Variants in CAMK1D observed in about 807,000 individuals in gnomAD.
The protein encoded by CAMK1D is calcium/calmodulin dependent protein kinase ID, also known as calcium/calmodulin-dependent protein kinase type 1D.
In CAMK1D, 9 loss-of-function variants were observed where a neutral mutation model predicts 47.7. The observed-to-expected ratio is 0.19, with a 90% confidence interval of 0.11 to 0.33. CAMK1D has a LOEUF of 0.33. CAMK1D is among the 10% of genes least tolerant of loss of function. The pLI, the probability that CAMK1D is intolerant of heterozygous loss-of-function variation, is 1.00. For synonymous variants in CAMK1D, 184 were observed against 184.9 expected (o/e 0.99, Z 0.04); for missense variants, 291 against 488.7 (o/e 0.60, Z 3.81).
chr10:12,744,078 T>C (rs1003412214), intron 3 of CAMK1D, among the ~76,000 whole-genome samples: 2 of 151,952 alleles, frequency 1.3e-5, no homozygotes, highest in African/African-American at 4.8e-5. Context: ...TGAGATCATA[T>C]AATATGTGGC....
At chr10:12,368,198 CA>C (rs759817546) in intron 1 of CAMK1D, among the ~76,000 whole-genome samples, 11 of 89,914 alleles carry the variant, frequency 1.2e-4, no homozygotes, top group Admixed American at 2.7e-4. Context: ...GACTCCGTCT[CA>C]AAAAAAAAAA....
At chr10:12,564,762 A>G (rs1397483634) in intron 2 of CAMK1D, among the ~76,000 whole-genome samples, 3 of 152,262 alleles carry the variant, frequency 2.0e-5, no homozygotes, top group Non-Finnish European at 4.4e-5. Context: ...ATACAAACAC[A>G]TAAAAGGGTA....
chr10:12,725,525 G>A (rs1021465124), intron 3 of CAMK1D, among the ~76,000 whole-genome samples: 21 of 152,176 alleles, frequency 1.4e-4, no homozygotes, highest in African/African-American at 4.6e-4. Flanking sequence ...GATTTAGCCA[G>A]AAGAGTTAGT....
chr10:12,744,438 C>T (rs1324387164), intron 3 of CAMK1D, among the ~76,000 whole-genome samples: 8 of 151,394 alleles, frequency 5.3e-5, no homozygotes, highest in Non-Finnish European at 1.2e-4. Flanking sequence ...CTTTACATTT[C>T]CACCAGCAAT....
chr10:12,598,557 C>G (rs1052520175), intron 2 of CAMK1D, among the ~76,000 whole-genome samples: 3 of 152,200 alleles, frequency 2.0e-5, no homozygotes, highest in African/African-American at 7.2e-5. Context: ...CCTGCAGATT[C>G]AGGACACCCC....
Position 12,680,621 on chromosome 10 carries a change from C to T in CAMK1D, c.299+13811C>T, listed in dbSNP as rs533407745. Among the ~76,000 whole-genome samples, 12 of 152,218 alleles carry T rather than the reference C, an allele frequency of 7.9e-5. No individual in the cohort carries two copies. In the South Asian group the frequency reaches 2.1e-3, roughly 26 times the overall value. On this transcript the variant is annotated intron_variant, in intron 3 of 10. Coordinates refer to ENST00000619168, the MANE Select transcript of CAMK1D (RefSeq NM_153498.4). ...TAACGCATGTTGGTGATGATGCTGGCGTGGCAGCCCCAATGAATGTATGAA... is the reference window on the plus strand; with the variant it reads ...TAACGCATGTTGGTGATGATGCTGGTGTGGCAGCCCCAATGAATGTATGAA...
intron 5 of CAMK1D, 36 bp downstream of exon 5, chr10:12,769,835 G>A (rs1836958939): frequency 4.3e-6 from 7 of 1,611,144 alleles, no homozygotes; most frequent in Non-Finnish European, 5.9e-6. Flanking sequence ...GTGCCCGTGT[G>A]TGTGTGATGT....
chr10:12,422,279 TGAC>T (rs1462114748), intron 1 of CAMK1D, among the ~76,000 whole-genome samples: 5 of 152,202 alleles, frequency 3.3e-5, no homozygotes. Flanking sequence ...AGTCTGGTGG[TGAC>T]GACTATAGTC....
At chr10:12,479,383 A>AT (rs1311307200) in intron 1 of CAMK1D, among the ~76,000 whole-genome samples, 2 of 151,758 alleles carry the variant, frequency 1.3e-5, no homozygotes, top group African/African-American at 2.4e-5. Flanking sequence ...TTTAGTAGAG[A>AT]TGGGGTTTCA....
At chr10:12,352,174 C>T (rs2131828344) in intron 1 of CAMK1D, among the ~76,000 whole-genome samples, 2 of 152,300 alleles carry the variant, frequency 1.3e-5, no homozygotes, top group South Asian at 4.1e-4. Flanking sequence ...AGTGGCGGAG[C>T]TGGTATTCAC....
intron 5 of CAMK1D, among the ~76,000 whole-genome samples, chr10:12,790,613 G>GCACA (rs145460694): frequency 6.6e-6 from 1 of 151,362 alleles, no homozygotes; most frequent in Non-Finnish European, 1.5e-5. Context: ...ACACACACAC[G>GCACA]CACACACACA....
At chr10:12,765,626 A>G (rs1240643726) in intron 4 of CAMK1D, among the ~76,000 whole-genome samples, 3 of 152,214 alleles carry the variant, frequency 2.0e-5, no homozygotes, top group Non-Finnish European at 4.4e-5. Context: ...AAGTGGCCTC[A>G]TTGTCTGGGG....
chr10:12,442,681 A>G (rs1364802150), intron 1 of CAMK1D, among the ~76,000 whole-genome samples: 1 of 152,214 alleles, frequency 6.6e-6, no homozygotes, highest in African/African-American at 2.4e-5. Context: ...GTCCAAAGTC[A>G]TCCTGCTGAT....
intron 1 of CAMK1D, among the ~76,000 whole-genome samples, chr10:12,409,056 C>T (rs1839558338): frequency 6.6e-6 from 1 of 151,986 alleles, no homozygotes; most frequent in African/African-American, 2.4e-5. Context: ...GGAGTTTCGC[C>T]ATGTTGGCCA....
intron 2 of CAMK1D, among the ~76,000 whole-genome samples, chr10:12,632,537 G>C (rs1309321309): frequency 2.6e-5 from 4 of 152,142 alleles, no homozygotes; most frequent in Non-Finnish European, 4.4e-5. Flanking sequence ...TGATTTAGCT[G>C]TTTTCTCCTA....
intron 1 of CAMK1D, among the ~76,000 whole-genome samples, chr10:12,369,317 A>G (rs1246581960): frequency 6.6e-6 from 1 of 152,222 alleles, no homozygotes; most frequent in African/African-American, 2.4e-5. Context: ...CAACAAAACC[A>G]TCAGATAGGA....
chr10:12,676,142 C>G (rs1367265938), intron 3 of CAMK1D, among the ~76,000 whole-genome samples: 1 of 152,122 alleles, frequency 6.6e-6, no homozygotes, highest in Non-Finnish European at 1.5e-5. Context: ...TTAGTAGAGA[C>G]AGGGTTTCAC....
chr10:12,595,141 A>G (rs147964489), intron 2 of CAMK1D, among the ~76,000 whole-genome samples: 97 of 152,094 alleles, frequency 6.4e-4, no homozygotes, highest in African/African-American at 2.0e-3. Flanking sequence ...CAGGAGTTCA[A>G]TACCATCCTG....
chr10:12,577,484 G>A (rs1388804132), intron 2 of CAMK1D, among the ~76,000 whole-genome samples: 1 of 152,132 alleles, frequency 6.6e-6, no homozygotes, highest in Non-Finnish European at 1.5e-5. Context: ...ACTAAATTAA[G>A]CATTTTAAAC....
Sources: allele counts gnomAD v4.1 joint callset (sites outside exome capture counted in the v4.1 genomes callset), GRCh38; gene constraint gnomAD v4.1.1; transcripts MANE v1.5; gene names NCBI Gene and HGNC (gene_info 2026-07-23, HGNC 2026-07-21).